MAN2A1: variants seen among roughly 807,000 people sequenced by gnomAD.
MAN2A1 encodes the protein mannosidase alpha class 2A member 1, also known as alpha-mannosidase 2.
MAN2A1 carries 76 observed loss-of-function variants against 142.6 expected under a neutral mutation model. That is an observed-to-expected ratio of 0.53 (90% CI 0.44 to 0.65). The LOEUF is 0.65. Ranked by LOEUF, MAN2A1 falls within the 30% of genes least tolerant of loss-of-function variation. The pLI, the probability that MAN2A1 is intolerant of heterozygous loss-of-function variation, is 0.00. For missense variants in MAN2A1, 1,311 were observed against 1,365.1 expected (o/e 0.96, Z 0.62); for synonymous variants, 559 against 473.2 (o/e 1.18, Z -2.35).
chr5:109,827,108 CTAT>C (rs1754779444), intron 16 of MAN2A1, among the ~76,000 whole-genome samples: 3 of 152,104 alleles, frequency 2.0e-5, no homozygotes, highest in Non-Finnish European at 4.4e-5. Context: ...TGAATAGAGC[CTAT>C]TTGTTGTTAG....
chr5:109,810,565 C>CA (rs1754289065), intron 12 of MAN2A1, among the ~76,000 whole-genome samples: 1 of 152,174 alleles, frequency 6.6e-6, no homozygotes, highest in Non-Finnish European at 1.5e-5. Context: ...ATGAAAAAAT[C>CA]AACTGTGTAC....
chr5:109,793,017 G>T (rs935397412), intron 12 of MAN2A1, among the ~76,000 whole-genome samples: 1 of 152,082 alleles, frequency 6.6e-6, no homozygotes, highest in African/African-American at 2.4e-5. Context: ...AGTCATTAAG[G>T]TTAGCCAAGA....
intron 14 of MAN2A1, 119 bp downstream of exon 14, chr5:109,820,006 A>G (rs1038807857): frequency 2.5e-5 from 21 of 842,972 alleles, no homozygotes; most frequent in Non-Finnish European, 3.3e-5. Context: ...AATACTCTTG[A>G]GTAAAAGGAA....
At chr5:109,809,913 A>G (rs562016074) in intron 12 of MAN2A1, among the ~76,000 whole-genome samples, 16 of 151,772 alleles carry the variant, frequency 1.1e-4, no homozygotes, top group Non-Finnish European at 2.2e-4. Flanking sequence ...TCTATATTGC[A>G]TATTCTTTTT....
Position 109,849,897 on chromosome 5 carries a change from C to T in MAN2A1, c.2976+2107C>T, listed in dbSNP as rs1176575811. On this transcript the variant is annotated intron_variant, in intron 19 of 21. Transcript: ENST00000261483. ...CCTTTTACTGTGTCTGCTTTAGGCC[C>T]ACTGGTTTCCTTTAAGTCCCAAGTA... Among the ~76,000 whole-genome samples the T allele has an allele frequency of 2.6e-5, 4 of 152,204 alleles. No individual in the cohort carries two copies. The East Asian group carries it at 5.8e-4, about 22-fold the overall frequency.
At chr5:109,792,004 T>G (rs1003870059) in intron 12 of MAN2A1, among the ~76,000 whole-genome samples, 1 of 152,264 alleles carries the variant, frequency 6.6e-6, no homozygotes, top group East Asian at 1.9e-4. Context: ...CACACAGTTA[T>G]GTGAGCTATA....
At chr5:109,710,454 C>G (rs775131645) in intron 1 of MAN2A1, among the ~76,000 whole-genome samples, 1 of 151,706 alleles carries the variant, frequency 6.6e-6, no homozygotes, top group African/African-American at 2.4e-5. Flanking sequence ...AATGTGGGCA[C>G]TCATGTATTA....
intron 20 of MAN2A1, chr5:109,863,491 A>G (rs1329293222): frequency 6.6e-6 from 1 of 152,202 alleles, no homozygotes; most frequent in East Asian, 1.9e-4. Flanking sequence ...AACCACTCTT[A>G]CTACACAGCT....
intron 12 of MAN2A1, chr5:109,804,186 G>GA: frequency 1.0e-6 from 1 of 987,334 alleles, no homozygotes; most frequent in Middle Eastern, 2.8e-4. Context: ...GAGGAACAAG[G>GA]AAAAGGATTT....
At chr5:109,714,224 A>T (rs1379901882) in intron 2 of MAN2A1, among the ~76,000 whole-genome samples, 3 of 150,160 alleles carry the variant, frequency 2.0e-5, no homozygotes, top group Admixed American at 2.0e-4. Flanking sequence ...GAAGGGAAAT[A>T]TTCTAGAGCT....
At chr5:109,860,387 C>G (rs759727567) in intron 20 of MAN2A1, among the ~76,000 whole-genome samples, 2 of 152,134 alleles carry the variant, frequency 1.3e-5, no homozygotes, top group African/African-American at 2.4e-5. Flanking sequence ...ATTTTCTAAC[C>G]TTTCCAGCTG....
At chr5:109,772,214 G>A (rs1420678257) in intron 7 of MAN2A1, among the ~76,000 whole-genome samples, 2 of 152,074 alleles carry the variant, frequency 1.3e-5, no homozygotes, top group African/African-American at 4.8e-5. Context: ...GGGCAACATG[G>A]TAAAACCCCA....
intron 19 of MAN2A1, among the ~76,000 whole-genome samples, chr5:109,848,459 A>G (rs1479235705): frequency 6.6e-6 from 1 of 152,178 alleles, no homozygotes; most frequent in East Asian, 1.9e-4. Flanking sequence ...TGACCATTGC[A>G]AGTCCTTTCT....
Position 109,845,928 on chromosome 5 carries a change from A to C in MAN2A1, c.2764A>C (p.Met922Leu). 1.9e-6 allele frequency: 3 copies of C among 1,613,760 alleles called. No individual in the cohort carries two copies. The highest frequency in any genetic ancestry group is 2.5e-6 in the Non-Finnish European group (3 of 1,179,730). The part of the protein sequence containing the change: ...LQANVYPMTT[M>L]AYIQDAKHRL... ...AGCAAATGTCTATCCCATGACCACA[A>C]TGGCCTATATCCAGGATGCCAAACA... The change falls in exon 18 of 22, where the codon ATG becomes CTG. Residue 922 changes from methionine to leucine, a missense_variant. Met to Leu is a conservative substitution (Grantham distance 15, BLOSUM62 2). Around this residue, in one of 3 missense-constraint regions of MAN2A1, gnomAD observed 890 missense variants for 920.5 expected, o/e 0.97. Coordinates refer to ENST00000261483, the MANE Select transcript of MAN2A1 (RefSeq NM_002372.4).
At position 109,866,888 on chromosome 5, in the gene MAN2A1, C is replaced by G. The variant is rs751930912; in HGVS notation, c.3325C>G (p.Leu1109Val). 3 of 1,610,872 alleles carry G rather than the reference C, an allele frequency of 1.9e-6. No individual in the cohort carries two copies. Among genetic ancestry groups the G allele is most frequent in the Non-Finnish European group, 2.5e-6 (3 of 1,178,082 alleles). The change falls in exon 22 of 22, where the codon CTC (leucine) becomes GTC (valine). Residue 1109 changes from leucine (L) to valine (V), a missense_variant. Leu to Val is a conservative substitution (Grantham distance 32, BLOSUM62 1). This residue lies in a region of MAN2A1 where 890 missense variants were observed against 920.5 expected (regional missense o/e 0.97). Transcript: ENST00000261483. ...KLLNKFIVESLTPSSLSLMHS... is the reference protein window; with the variant it reads ...KLLNKFIVESVTPSSLSLMHS... ...TTTAAACAAGTTTATTGTCGAAAGT[C>G]TCACACCTTCATCACTATCCTTGAT...
chr5:109,842,725 T>C (rs1002083672), intron 17 of MAN2A1, among the ~76,000 whole-genome samples: 3 of 151,502 alleles, frequency 2.0e-5, no homozygotes, highest in Non-Finnish European at 4.4e-5. Flanking sequence ...ATGTTAAATA[T>C]CTTGATGCTA....
intron 12 of MAN2A1, among the ~76,000 whole-genome samples, chr5:109,808,285 T>A (rs1041807041): frequency 2.6e-5 from 4 of 152,202 alleles, no homozygotes; most frequent in Non-Finnish European, 5.9e-5. Flanking sequence ...AATAAACACG[T>A]AACTTCCTGT....
At chr5:109,757,570 T>G (rs749786315) in intron 5 of MAN2A1, among the ~76,000 whole-genome samples, 21 of 152,190 alleles carry the variant, frequency 1.4e-4, no homozygotes, top group Admixed American at 3.3e-4. Flanking sequence ...AATTTTTTCT[T>G]ACAACTTTAT....
At chr5:109,753,916 T>C (rs944099111) in intron 4 of MAN2A1, among the ~76,000 whole-genome samples, 8 of 139,808 alleles carry the variant, frequency 5.7e-5, no homozygotes, top group Admixed American at 1.4e-4. Flanking sequence ...TTTCTTTTTC[T>C]TTTTTTTTTT....
Sources: allele counts gnomAD v4.1 joint callset (sites outside exome capture counted in the v4.1 genomes callset), GRCh38; gene constraint gnomAD v4.1.1; regional missense constraint gnomAD v4.1.1; transcripts MANE v1.5; gene names NCBI Gene and HGNC (gene_info 2026-07-23, HGNC 2026-07-21).